The following GRIK2 variants were observed in gnomAD, a reference collection of about 807,000 sequenced individuals.
The protein encoded by GRIK2 is glutamate receptor ionotropic, kainate 2.
A neutral mutation model predicts 100.3 loss-of-function variants in GRIK2; 32 were observed. The ratio of observed to expected loss-of-function variants is 0.32; its 90% CI spans 0.24 to 0.43. The LOEUF (loss-of-function observed/expected upper bound fraction) is 0.43, where lower values mean the gene tolerates loss of function less well. Ranked by LOEUF, GRIK2 falls within the 20% of genes least tolerant of loss-of-function variation. The pLI, the probability that GRIK2 is intolerant of heterozygous loss-of-function variation, is 1.00. For synonymous variants in GRIK2, 417 were observed against 389.4 expected, an observed-to-expected ratio of 1.07 and a Z score of -0.83; for missense variants, 843 against 1,114.9, an observed-to-expected ratio of 0.76 and a Z score of 3.47.
At chr6:101,592,588 C>CAT (rs3056161) in intron 2 of GRIK2, among the ~76,000 whole-genome samples, 2,379 of 101,744 alleles carry the variant, frequency 0.023, 47 homozygotes, top group East Asian at 0.043. Flanking sequence ...ACTAATATCA[C>CAT]ATATATATAT....
intron 2 of GRIK2, among the ~76,000 whole-genome samples, chr6:101,565,926 T>TAC (rs1037196020): frequency 4.3e-5 from 4 of 93,874 alleles, no homozygotes; most frequent in Non-Finnish European, 8.8e-5. Context: ...TATATATATA[T>TAC]ATATATGTGT....
chr6:101,431,024 G>C (rs1226809518), intron 2 of GRIK2: 1 of 254,172 alleles, frequency 3.9e-6, no homozygotes, highest in Non-Finnish European at 8.4e-6. Flanking sequence ...AGTACTACCG[G>C]AGGTGTACAG....
intron 7 of GRIK2, among the ~76,000 whole-genome samples, chr6:101,753,892 A>G (rs1776957545): frequency 6.6e-6 from 1 of 152,034 alleles, no homozygotes. Flanking sequence ...GTTAATTAAA[A>G]TTATATTAAT....
intron 14 of GRIK2, among the ~76,000 whole-genome samples, chr6:102,014,549 GTTCT>G (rs911143241): frequency 2.0e-4 from 31 of 152,036 alleles, no homozygotes; most frequent in Non-Finnish European, 4.4e-5. Flanking sequence ...GTTAAATTGA[GTTCT>G]TTCTAACATT....
chr6:101,987,080 T>C (rs1031060158), intron 14 of GRIK2, among the ~76,000 whole-genome samples: 2 of 151,696 alleles, frequency 1.3e-5, no homozygotes, highest in Non-Finnish European at 2.9e-5. Flanking sequence ...GAGTTCAAAT[T>C]TGCAATGAGC....
At chr6:101,929,567 C>T (rs960635960) in intron 14 of GRIK2, among the ~76,000 whole-genome samples, 1 of 152,098 alleles carries the variant, frequency 6.6e-6, no homozygotes, top group Non-Finnish European at 1.5e-5. Flanking sequence ...AGTTACACGA[C>T]ACATTGAGTA....
At chr6:102,035,636 T>A in intron 15 of GRIK2, 70 bp downstream of exon 15, 1 of 862,692 alleles carries the variant, frequency 1.2e-6, no homozygotes, top group South Asian at 1.5e-5. Flanking sequence ...GGAAAAATAG[T>A]GTGTCCACGT....
intron 11 of GRIK2, among the ~76,000 whole-genome samples, chr6:101,880,574 A>T (rs1786177081): frequency 6.6e-6 from 1 of 152,060 alleles, no homozygotes; most frequent in Non-Finnish European, 1.5e-5. Context: ...ATAGAAATTT[A>T]CTGTATTTTA....
intron 2 of GRIK2, among the ~76,000 whole-genome samples, chr6:101,415,588 TC>T (rs1455302778): frequency 1.3e-5 from 2 of 152,014 alleles, no homozygotes; most frequent in Non-Finnish European, 2.9e-5. Flanking sequence ...GCCAGGATAG[TC>T]TTGATCTCCT....
chr6:101,707,592 G>GTATATATATA (rs1451926404), intron 7 of GRIK2, among the ~76,000 whole-genome samples: 2,063 of 127,136 alleles, frequency 0.016, 42 homozygotes, highest in Middle Eastern at 0.085. Context: ...GTGTGTGTGT[G>GTATATATATA]TGTATATATG....
chr6:101,586,426 A>G (rs1172296823), intron 2 of GRIK2, among the ~76,000 whole-genome samples: 1 of 152,128 alleles, frequency 6.6e-6, no homozygotes, highest in African/African-American at 2.4e-5. Flanking sequence ...TCTTGAGGCA[A>G]TGAAACACCT....
chr6:101,693,550 A>C (rs368472078), intron 7 of GRIK2, among the ~76,000 whole-genome samples: 2 of 151,964 alleles, frequency 1.3e-5, no homozygotes, highest in African/African-American at 2.4e-5. Flanking sequence ...GCACCTACTC[A>C]CACTGAAGAA....
chr6:101,607,546 A>G (rs1267096653), intron 2 of GRIK2, among the ~76,000 whole-genome samples: 1 of 152,016 alleles, frequency 6.6e-6, no homozygotes. Context: ...TTGTTCTCAC[A>G]TGGGTGCTCC....
At chr6:101,821,316 C>T (rs2518267) in intron 10 of GRIK2, among the ~76,000 whole-genome samples, 1 of 152,010 alleles carries the variant, frequency 6.6e-6, no homozygotes, top group African/African-American at 2.4e-5. Flanking sequence ...CTAATTTTAT[C>T]TTCATATCAG....
chr6:101,937,035 T>C (rs1790661216), intron 14 of GRIK2, among the ~76,000 whole-genome samples: 1 of 152,140 alleles, frequency 6.6e-6, no homozygotes, highest in Non-Finnish European at 1.5e-5. Flanking sequence ...TCTTCGAAAG[T>C]AGCCTCTCTA....
In GRIK2 at chr6:101,504,117, A is replaced by C. The variant is rs141962203; in HGVS notation, c.115+104725A>C. Among the ~76,000 whole-genome samples the C allele has an allele frequency of 1.9e-3, 290 of 152,256 alleles. 2 individuals carry two copies. Among genetic ancestry groups the C allele is most frequent in the African/African-American group, 6.9e-3 (286 of 41,560 alleles). ...AAAGTGGAAAATGGGTCATATTCTA[A>C]ATTGCATATTTATCTTTGGTCCTAC... On this transcript the variant is annotated intron_variant, in intron 2 of 16. Transcript: ENST00000369134.
At chr6:101,703,449 G>T (rs905037016) in intron 7 of GRIK2, among the ~76,000 whole-genome samples, 1 of 151,874 alleles carries the variant, frequency 6.6e-6, no homozygotes, top group Admixed American at 6.6e-5. Context: ...TAAGCTTGAA[G>T]AACTAATCAT....
intron 12 of GRIK2, among the ~76,000 whole-genome samples, chr6:101,912,073 CACACACAG>C (rs1788739101): frequency 3.4e-5 from 1 of 29,726 alleles, no homozygotes; most frequent in South Asian, 1.1e-3. Flanking sequence ...CACACACACA[CACACACAG>C]ACACAAACAC....
intron 4 of GRIK2, among the ~76,000 whole-genome samples, chr6:101,637,250 T>C (rs528540084): frequency 6.6e-6 from 1 of 152,288 alleles, no homozygotes; most frequent in Admixed American, 6.5e-5. Flanking sequence ...ATCTACATTT[T>C]CAGTTGTTTG....
Sources: allele counts gnomAD v4.1 joint callset (sites outside exome capture counted in the v4.1 genomes callset), GRCh38; gene constraint gnomAD v4.1.1; transcripts MANE v1.5; gene names NCBI Gene and HGNC (gene_info 2026-07-23, HGNC 2026-07-21).